The following ERCC3 variants were observed in gnomAD, a reference collection of about 807,000 sequenced individuals.
ERCC3 encodes the protein ERCC excision repair 3, TFIIH core complex helicase subunit.
ERCC3 carries 66 observed loss-of-function variants against 94.2 expected under a neutral mutation model. The observed-to-expected ratio is 0.70, with a 90% CI of 0.57 to 0.86. The LOEUF (loss-of-function observed/expected upper bound fraction) is 0.86, where lower values mean the gene tolerates loss of function less well. Ranked by LOEUF, ERCC3 falls within the 40% of genes least tolerant of loss-of-function variation. ERCC3 has a pLI of 0.00. For synonymous variants in ERCC3, 349 were observed against 369.1 expected (o/e 0.95, Z 0.63); for missense variants, 829 against 987.1 (o/e 0.84, Z 2.15).
At position 127,279,089 on chromosome 2, in the gene ERCC3, AAAAAC is replaced by A; in HGVS notation, c.1730+79_1730+83del. ...CAAGAAGTTCCTGAGAGAAAAACAA[AAAAAC>A]AAAACAACAGCCACCTTCTGCACTC... On this transcript the variant is annotated intron_variant, in intron 10 of 14. Coordinates refer to ENST00000285398, the MANE Select transcript of ERCC3 (RefSeq NM_000122.2). This position sits in a 1 kb window ranked among gnomAD's most constrained non-coding sequence, Gnocchi z 4.7. 2.1e-6 allele frequency: 2 copies of A among 965,152 alleles called. No homozygotes were observed. The highest frequency in any genetic ancestry group is 3.3e-6 in the Non-Finnish European group (2 of 611,758). The allele number at this position is 965,152 out of a possible 1,614,324, so 59.8% of individuals were successfully genotyped here. A position where few individuals can be genotyped will look rare whatever the true frequency, so the allele number is the denominator to read the frequency against.
intron 7 of ERCC3, among the ~76,000 whole-genome samples, chr2:127,287,352 C>T (rs1365483369): frequency 6.6e-6 from 1 of 152,000 alleles, no homozygotes; most frequent in Non-Finnish European, 1.5e-5. Flanking sequence ...GGCTGAGCCA[C>T]CATGCCACGG....
rs961861728 is a variant in ERCC3, at chr2:127,264,533, G to A, written c.1946-3187C>T. Reference sequence around the variant, plus strand: ...ATATGCTTTTCATTTTTAATTATGTGGTGAATCATATTTATTGATTTCCAC... The same window carrying A: ...ATATGCTTTTCATTTTTAATTATGTAGTGAATCATATTTATTGATTTCCAC... On this transcript the variant is annotated intron_variant, in intron 12 of 14. Coordinates refer to ENST00000285398, the MANE Select transcript of ERCC3 (RefSeq NM_000122.2). The surrounding 1 kb of genome is among the most constrained non-coding windows in gnomAD (Gnocchi z 4.4). Among the ~76,000 whole-genome samples the A allele has an allele frequency of 2.0e-5, 3 of 152,136 alleles. No individual in the cohort carries two copies. Among genetic ancestry groups the A allele is most frequent in the Admixed American group, 2.0e-4 (3 of 15,284 alleles).
In ERCC3 at chr2:127,287,032, A is replaced by T; in HGVS notation, c.1028-15T>A. 1 of 1,602,514 alleles carries T rather than the reference A, an allele frequency of 6.2e-7. No individual in the cohort carries two copies. The highest frequency in any genetic ancestry group is 2.2e-5 in the East Asian group (1 of 44,854). ...CTTTCCAGCACCTACAAGAAACAAGAGTGCAATCCCACCCAAGGACAGGTT... is the reference window on the plus strand; with the variant it reads ...CTTTCCAGCACCTACAAGAAACAAGTGTGCAATCCCACCCAAGGACAGGTT... On this transcript the variant is annotated splice_polypyrimidine_tract_variant and intron_variant, in intron 7 of 14. Coordinates refer to ENST00000285398, the MANE Select transcript of ERCC3 (RefSeq NM_000122.2).
At position 127,292,804 on chromosome 2, in the gene ERCC3, A is replaced by T. The variant is rs768763299; in HGVS notation, c.277T>A (p.Tyr93Asn). Residue 93 changes from tyrosine to asparagine, a missense_variant, in exon 3 of 15, where the codon TAC (tyrosine) becomes AAC (asparagine). Transcript: ENST00000285398. The stretch of plus-strand genomic sequence containing the variant: ...ACCAAGAAGTCTTGGGCATATTTGT[A>T]AACTGGAGAGAAGGCTTCCAAGAAG... ...HIFLEAFSPV[Y>N]KYAQDFLVAI... The T allele has an allele frequency of 6.2e-7, 1 of 1,613,838 alleles. No homozygotes were observed. The highest frequency in any genetic ancestry group is 2.2e-5 in the East Asian group (1 of 44,890).
intron 8 of ERCC3, among the ~76,000 whole-genome samples, chr2:127,281,260 A>G (rs1684902672): frequency 6.6e-6 from 1 of 152,186 alleles, no homozygotes; most frequent in South Asian, 2.1e-4. Flanking sequence ...TTTCCCAGAA[A>G]CCGAGAAGAA....
At chr2:127,269,996 G>C (rs185650565) in intron 12 of ERCC3, among the ~76,000 whole-genome samples, 1 of 151,362 alleles carries the variant, frequency 6.6e-6, no homozygotes, top group African/African-American at 2.4e-5. Flanking sequence ...ACTCCAGCCT[G>C]GGTGACAGAA....
At chr2:127,261,435 CA>C in intron 12 of ERCC3, 89 bp from the exon 13 acceptor site, 1 of 868,876 alleles carries the variant, frequency 1.2e-6, no homozygotes, top group Non-Finnish European at 2.0e-6. Flanking sequence ...CAAAAGCAAG[CA>C]CTGGAGTGGA....
At chr2:127,288,359 T>G (rs1685148704) in intron 7 of ERCC3, among the ~76,000 whole-genome samples, 4 of 152,210 alleles carry the variant, frequency 2.6e-5, no homozygotes, top group Non-Finnish European at 5.9e-5. Flanking sequence ...TAATTTTTCT[T>G]CGCTGACTCT....
chr2:127,260,162 C>T (rs1388320113), intron 13 of ERCC3: 1 of 154,650 alleles, frequency 6.5e-6, no homozygotes, highest in African/African-American at 2.4e-5. Flanking sequence ...ATGTGCACAT[C>T]TGCCCAGGCC....
chr2:127,274,765 A>G lies in ERCC3; in HGVS notation c.1731-1804T>C, dbSNP rs1358783281. On this transcript the variant is annotated intron_variant, in intron 10 of 14. Transcript: ENST00000285398. The surrounding 1 kb of genome is among the most constrained non-coding windows in gnomAD (Gnocchi z 4.0). ...TTAGGTGGTTTTCTCCTCCCCCATC[A>G]CCAGGAAAAACTACTTGCACAGTGG... 2.0e-5 allele frequency among the ~76,000 whole-genome samples: 3 copies of G among 152,156 alleles called. No individual in the cohort carries two copies. The East Asian group carries it at 5.8e-4, about 29-fold the overall frequency.
chr2:127,288,605 C>T, intron 7 of ERCC3, 55 bp downstream of exon 7: 1 of 1,460,364 alleles, frequency 6.8e-7, no homozygotes, highest in Non-Finnish European at 9.6e-7. Context: ...CGGGAGGCAG[C>T]TGGCAGATCC....
Position 127,286,979 on chromosome 2 carries a change from T to C in ERCC3, c.1066A>G (p.Thr356Ala), listed in dbSNP as rs1188002375. 2 of 1,613,652 alleles carry C rather than the reference T, an allele frequency of 1.2e-6. No homozygotes were observed. Among genetic ancestry groups the C allele is most frequent in the Non-Finnish European group, 1.7e-6 (2 of 1,180,012 alleles). The change falls in exon 8 of 15, where the codon ACT becomes GCT. Residue 356 changes from threonine to alanine, a missense_variant. Coordinates refer to ENST00000285398, the MANE Select transcript of ERCC3 (RefSeq NM_000122.2). ...AGCACCAGACAGCGTTTTCTGACAG[T>C]GCATGCAGCAGTCACACCAACCAGG... ...KSLVGVTAAC[T>A]VRKRCLVLGN...
At chr2:127,276,660 G>C (rs990432265) in intron 10 of ERCC3, among the ~76,000 whole-genome samples, 1 of 152,166 alleles carries the variant, frequency 6.6e-6, no homozygotes, top group African/African-American at 2.4e-5. Context: ...AAAATTCCAA[G>C]AAGGGACTAC....
chr2:127,266,885 T>C (rs1573934775), intron 12 of ERCC3, among the ~76,000 whole-genome samples: 1 of 151,852 alleles, frequency 6.6e-6, no homozygotes, highest in Admixed American at 6.6e-5. Context: ...CTCAGCTAAT[T>C]TTTGTATTTT....
Position 127,279,608 on chromosome 2 carries a change from A to G in ERCC3, c.1528-233T>C, listed in dbSNP as rs1684843990. Among the ~76,000 whole-genome samples the G allele has an allele frequency of 6.6e-6, 1 of 152,156 alleles. No individual in the cohort carries two copies. Among genetic ancestry groups the G allele is most frequent in the South Asian group, 2.1e-4 (1 of 4,830 alleles). On this transcript the variant is annotated intron_variant, in intron 9 of 14. Transcript: ENST00000285398. This position sits in a 1 kb window ranked among gnomAD's most constrained non-coding sequence, Gnocchi z 4.7. The stretch of plus-strand genomic sequence containing the variant: ...GAAACCCAGTCTCTACTAAAAATAC[A>G]AAAATTAGCTGGGTGTGGTAGTGCA...
intron 12 of ERCC3, 157 bp from the exon 13 acceptor site, chr2:127,261,503 G>T: frequency 1.4e-6 from 1 of 707,768 alleles, no homozygotes. Context: ...ATCAAAATTT[G>T]GAAGTCTTTT....
In ERCC3 at chr2:127,257,897, A is replaced by G. The variant is rs1684069839; in HGVS notation, c.2218-170T>C. Among the ~76,000 whole-genome samples, 1 of 152,208 alleles carries G rather than the reference A, an allele frequency of 6.6e-6. No homozygotes were observed. Reference sequence around the variant, plus strand: ...TCAGGCATTGTTCTAAGCATTTTACATGCATTATCTCCTCTAATCCTCAAA... The same window carrying G: ...TCAGGCATTGTTCTAAGCATTTTACGTGCATTATCTCCTCTAATCCTCAAA... On this transcript the variant is annotated intron_variant, in intron 14 of 14. Transcript: ENST00000285398. The surrounding 1 kb of genome is among the most constrained non-coding windows in gnomAD (Gnocchi z 5.4).
chr2:127,273,586 C>T (rs1046977064), intron 10 of ERCC3, among the ~76,000 whole-genome samples: 9 of 151,614 alleles, frequency 5.9e-5, no homozygotes, highest in Admixed American at 4.0e-4. Context: ...CCCGTCTCTA[C>T]CAAAAATACA....
At position 127,293,659 on chromosome 2, in the gene ERCC3, G is replaced by C. The variant is rs751320999; in HGVS notation, c.88C>G (p.Pro30Ala). 5.0e-6 allele frequency: 8 copies of C among 1,613,986 alleles called. No individual in the cohort carries two copies. In the African/African-American group the frequency reaches 1.1e-4, roughly 22 times the overall value. Residue 30 changes from proline to alanine, a missense_variant, in exon 2 of 15, where the codon CCG becomes GCG. Physicochemically the swap from Pro to Ala is conservative, Grantham distance 27. Transcript: ENST00000285398. ...ACCGCTTCCTGAGGGTCGTTCCCCG[G>C]GGCGTCCTCTTCATCATCCTCTTCA... ...EDEEDDEEDA[P>A]GNDPQEAVPS...
Sources: gnomAD v4.1 joint callset for allele counts (sites outside exome capture counted in the v4.1 genomes callset) on GRCh38, gnomAD v4.1.1 for gene constraint, Gnocchi (gnomAD v3.1) non-coding constraint, MANE v1.5 for transcripts, NCBI Gene and HGNC (gene_info 2026-07-23, HGNC 2026-07-21) for gene names.